Variants in LIN28A observed in about 807,000 individuals in gnomAD.
LIN28A encodes protein lin-28 homolog A.
Under a neutral mutation model 21.1 loss-of-function variants are expected in LIN28A, and 11 were observed. The observed-to-expected ratio is 0.52, with a 90% confidence interval of 0.33 to 0.86. LIN28A has a LOEUF of 0.86. Among genes scored for constraint, LIN28A ranks in the 40% least tolerant of loss-of-function variants. LIN28A has a pLI of 0.03. For synonymous variants in LIN28A, 111 were observed against 108.7 expected (o/e 1.02, Z -0.13); for missense variants, 219 against 279.8 (o/e 0.78, Z 1.55).
chr1:26,421,920 GT>G (rs904831312), intron 2 of LIN28A, among the ~76,000 whole-genome samples: 3 of 147,492 alleles, frequency 2.0e-5, no homozygotes, highest in East Asian at 2.0e-4. Flanking sequence ...GCTACAGATA[GT>G]TTTTTTTTTG....
rs1386260006 is a variant in LIN28A at position 26,413,926 on chromosome 1, C to T, written c.228+2344C>T. On this transcript the variant is annotated intron_variant, in intron 2 of 3. Coordinates refer to ENST00000326279, the MANE Select transcript of LIN28A (RefSeq NM_024674.6). ...CACCGCAACCTCCGCCTCCCAGGTTCAAGCGATTCTCCTGCCTCAGCTTCC... is the reference window on the plus strand; with the variant it reads ...CACCGCAACCTCCGCCTCCCAGGTTTAAGCGATTCTCCTGCCTCAGCTTCC... Among the ~76,000 whole-genome samples, 10 of 147,656 alleles carry T rather than the reference C, an allele frequency of 6.8e-5. No homozygotes were observed. The Admixed American group carries it at 6.9e-4, about 10-fold the overall frequency.
At position 26,410,849 on chromosome 1, in the gene LIN28A, C is replaced by T; in HGVS notation, c.-43C>T. 1 of 1,608,696 alleles carries T rather than the reference C, an allele frequency of 6.2e-7. No individual in the cohort carries two copies. Among genetic ancestry groups the T allele is most frequent in the Non-Finnish European group, 8.5e-7 (1 of 1,176,146 alleles). The stretch of plus-strand genomic sequence containing the variant: ...CTTCGGACTTCTCCGGGGCCAGCAG[C>T]CGCCCGACCAGGGGCCCGGGGCCAC... On this transcript the variant is annotated 5_prime_UTR_variant, in exon 1 of 4. Coordinates refer to ENST00000326279, the MANE Select transcript of LIN28A (RefSeq NM_024674.6).
At chr1:26,420,988 G>A (rs910844064) in intron 2 of LIN28A, among the ~76,000 whole-genome samples, 4 of 152,074 alleles carry the variant, frequency 2.6e-5, no homozygotes, top group Admixed American at 2.6e-4. Flanking sequence ...ATCTGACCCT[G>A]GCTTTGCTAC....
rs749687753 is a variant in LIN28A at position 26,411,428 on chromosome 1, C to T, written c.74C>T (p.Pro25Leu). The change falls in exon 2 of 4, where the codon CCG (proline) becomes CTG (leucine). Residue 25 changes from proline to leucine, a missense_variant. Transcript: ENST00000326279. This position sits in a 1 kb window ranked among gnomAD's most constrained non-coding sequence, Gnocchi z 5.4. ...GCAGAAGAGGCGCCCGAGGAGGCGC[C>T]GGAGGACGCGGCCCGGGCGGCGGAC... is the stretch of plus-strand genomic sequence containing the variant. Reference protein sequence around the residue: ...KAAEEAPEEAPEDAARAADEP... With the variant: ...KAAEEAPEEALEDAARAADEP... 6.2e-7 allele frequency: 1 copy of T among 1,605,942 alleles called. No homozygotes were observed. Among genetic ancestry groups the T allele is most frequent in the Non-Finnish European group, 8.5e-7 (1 of 1,176,666 alleles).
intron 3 of LIN28A, among the ~76,000 whole-genome samples, chr1:26,425,835 C>T (rs1028186982): frequency 1.3e-5 from 2 of 152,186 alleles, no homozygotes; most frequent in African/African-American, 4.8e-5. Flanking sequence ...TGCTGCTTTA[C>T]CAGGTCTGCA....
At position 26,411,340 on chromosome 1, in the gene LIN28A, C is replaced by A. The variant is rs541487624; in HGVS notation, c.32-46C>A. On this transcript the variant is annotated intron_variant, in intron 1 of 3. Transcript: ENST00000326279. The surrounding 1 kb of genome is among the most constrained non-coding windows in gnomAD (Gnocchi z 5.4). ...CTGCCTGGGGCCCGAGACGGCCCTC[C>A]GATTCCGTGCCCCCCAGCTAAGTGC... 3 of 1,481,898 alleles carry A rather than the reference C, an allele frequency of 2.0e-6. No homozygotes were observed. Among genetic ancestry groups the A allele is most frequent in the African/African-American group, 2.8e-5 (2 of 70,330 alleles). The allele number at this position is 1,481,898 out of a possible 1,614,324, so 91.8% of individuals were successfully genotyped here.
Position 26,410,834 on chromosome 1 carries a change from C to A in LIN28A, c.-58C>A. On this transcript the variant is annotated 5_prime_UTR_variant, in exon 1 of 4. Transcript: ENST00000326279. The stretch of plus-strand genomic sequence containing the variant: ...GAACCAACCCTTTGCCTTCGGACTT[C>A]TCCGGGGCCAGCAGCCGCCCGACCA... 1 of 1,594,138 alleles carries A rather than the reference C, an allele frequency of 6.3e-7. No homozygotes were observed. The highest frequency in any genetic ancestry group is 8.6e-7 in the Non-Finnish European group (1 of 1,163,140).
chr1:26,425,634 G>A (rs2075054235), intron 3 of LIN28A, 147 bp downstream of exon 3: 1 of 704,692 alleles, frequency 1.4e-6, no homozygotes, highest in Non-Finnish European at 2.3e-6. Context: ...CAATAGGTGT[G>A]GGCAAGGGCA....
chr1:26,419,212 T>G (rs961373092), intron 2 of LIN28A, among the ~76,000 whole-genome samples: 2 of 149,926 alleles, frequency 1.3e-5, no homozygotes, highest in East Asian at 2.0e-4. Flanking sequence ...TGATTACCTA[T>G]CTGATAAGAG....
chr1:26,410,868 G>A lies in LIN28A; in HGVS notation c.-24G>A, dbSNP rs751619251. The A allele has an allele frequency of 1.9e-6, 3 of 1,612,266 alleles. No individual in the cohort carries two copies. Among genetic ancestry groups the A allele is most frequent in the African/African-American group, 1.3e-5 (1 of 74,774 alleles). ...CAGCAGCCGCCCGACCAGGGGCCCG[G>A]GGCCACGGGCTCAGCCGACGACCAT... On this transcript the variant is annotated 5_prime_UTR_variant, in exon 1 of 4. Coordinates refer to ENST00000326279, the MANE Select transcript of LIN28A (RefSeq NM_024674.6).
chr1:26,421,721 T>C (rs74061160), intron 2 of LIN28A, among the ~76,000 whole-genome samples: 2,194 of 152,302 alleles, frequency 0.014, 53 homozygotes, highest in African/African-American at 0.05. Context: ...TTCTCAGATC[T>C]CTGTGATTTT....
chr1:26,426,836 A>T lies in LIN28A; in HGVS notation c.*378A>T. The T allele has an allele frequency of 4.6e-6, 1 of 219,270 alleles. No individual in the cohort carries two copies. The allele number at this position is 219,270 out of a possible 1,614,324, so 13.6% of individuals were successfully genotyped here. On this transcript the variant is annotated 3_prime_UTR_variant, in exon 4 of 4. Coordinates refer to ENST00000326279, the MANE Select transcript of LIN28A (RefSeq NM_024674.6). ...CCAGAGTGAAATGATTAAGTATAAG[A>T]CCAGATTCATGGAGCCAAGCCACTA... is the stretch of plus-strand genomic sequence containing the variant.
At chr1:26,413,102 CTT>C (rs2074971132) in intron 2 of LIN28A, among the ~76,000 whole-genome samples, 1 of 152,254 alleles carries the variant, frequency 6.6e-6, no homozygotes, top group East Asian at 1.9e-4. Context: ...TATTAAATCA[CTT>C]TATTACAGGA....
rs139719631 is a variant in LIN28A at position 26,410,900 on chromosome 1, C to G, written c.9C>G (p.Ser3=). ...GGGCTCAGCCGACGACCATGGGCTCCGTGTCCAACCAGCAGTTTGCAGGTT... is the reference window on the plus strand; with the variant it reads ...GGGCTCAGCCGACGACCATGGGCTCGGTGTCCAACCAGCAGTTTGCAGGTT... MG[S]VSNQQFAGGC... is the part of the protein sequence containing the mutation. The change falls in exon 1 of 4, where the codon TCC becomes TCG. Residue 3 remains serine, a synonymous_variant. Transcript: ENST00000326279. 1.2e-5 allele frequency: 19 copies of G among 1,608,376 alleles called. No homozygotes were observed. In the African/African-American group the frequency reaches 2.6e-4, roughly 22 times the overall value.
rs887216411 is a variant in LIN28A at position 26,411,121 on chromosome 1, A to C, written c.31+199A>C. Among the ~76,000 whole-genome samples the C allele has an allele frequency of 3.9e-5, 6 of 152,052 alleles. No individual in the cohort carries two copies. The highest frequency in any genetic ancestry group is 8.8e-5 in the Non-Finnish European group (6 of 68,014). On this transcript the variant is annotated intron_variant, in intron 1 of 3. Transcript: ENST00000326279. This position sits in a 1 kb window ranked among gnomAD's most constrained non-coding sequence, Gnocchi z 5.4. The stretch of plus-strand genomic sequence containing the variant: ...CGCGCCAGACTACGTGGGTGGATGG[A>C]GAGGAGAGGCTTGTCCCGCCGTGAG...
At chr1:26,414,455 G>A (rs1011011788) in intron 2 of LIN28A, among the ~76,000 whole-genome samples, 15 of 152,162 alleles carry the variant, frequency 9.9e-5, no homozygotes, top group Admixed American at 9.2e-4. Context: ...CCAATGCCCT[G>A]TTAACTAATG....
intron 2 of LIN28A, among the ~76,000 whole-genome samples, chr1:26,419,628 T>C (rs188294843): frequency 9.9e-5 from 15 of 152,252 alleles, no homozygotes; most frequent in African/African-American, 3.6e-4. Context: ...TCCCTGAGGA[T>C]TTATGTGTAG....
chr1:26,416,428 T>C (rs1389778037), intron 2 of LIN28A, among the ~76,000 whole-genome samples: 2 of 152,250 alleles, frequency 1.3e-5, no homozygotes, highest in African/African-American at 2.4e-5. Context: ...ATTTAGTTTT[T>C]TGAACATTGC....
chr1:26,425,520 T>TA, intron 3 of LIN28A, 33 bp downstream of exon 3: 1 of 1,592,370 alleles, frequency 6.3e-7, no homozygotes, highest in Admixed American at 1.7e-5. Context: ...TATAGGTTGC[T>TA]AAGGGCATCC....
Sources: gnomAD v4.1 joint callset for allele counts (sites outside exome capture counted in the v4.1 genomes callset) on GRCh38, gnomAD v4.1.1 for gene constraint, Gnocchi (gnomAD v3.1) non-coding constraint, MANE v1.5 for transcripts, NCBI Gene and HGNC (gene_info 2026-07-23, HGNC 2026-07-21) for gene names.